The following ATP2B2 variants were observed in gnomAD, a reference collection of about 807,000 sequenced individuals.
The protein encoded by ATP2B2 is ATPase plasma membrane Ca2+ transporting 2, also known as plasma membrane calcium-transporting ATPase 2.
Under a neutral mutation model 120.0 loss-of-function variants are expected in ATP2B2, and 15 were observed. The observed-to-expected ratio is 0.12, with a 90% CI of 0.08 to 0.19. The LOEUF (loss-of-function observed/expected upper bound fraction) is 0.19, where lower values mean the gene tolerates loss of function less well. Among genes scored for constraint, ATP2B2 ranks in the 10% least tolerant of loss-of-function variants. ATP2B2 has a pLI of 1.00. For missense variants in ATP2B2, 1,045 were observed against 1,719.8 expected (o/e 0.61, Z 6.94); for synonymous variants, 694 against 700.3 (o/e 0.99, Z 0.14).
At chr3:10,695,251 G>GGAGGGGGGGAGA (rs60247955) in intron 1 of ATP2B2, among the ~76,000 whole-genome samples, 9 of 126,968 alleles carry the variant, frequency 7.1e-5, no homozygotes, top group East Asian at 2.4e-4. Context: ...AGGGAGGGAG[G>GGAGGGGGGGAGA]GAGAGAGAGA....
chr3:10,528,603 C>T (rs1195273987), intron 3 of ATP2B2, among the ~76,000 whole-genome samples: 6 of 152,190 alleles, frequency 3.9e-5, no homozygotes, highest in Non-Finnish European at 8.8e-5. Flanking sequence ...CTTCCTCCTT[C>T]GTGTGCCAAC....
intron 2 of ATP2B2, among the ~76,000 whole-genome samples, chr3:10,571,532 G>T (rs1371060014): frequency 6.6e-6 from 1 of 152,242 alleles, no homozygotes; most frequent in Non-Finnish European, 1.5e-5. Context: ...GCATGGACAT[G>T]GGCATGGGAC....
At chr3:10,390,898 A>T (rs1454234756) in intron 5 of ATP2B2, among the ~76,000 whole-genome samples, 1 of 152,144 alleles carries the variant, frequency 6.6e-6, no homozygotes, top group African/African-American at 2.4e-5. Flanking sequence ...GGCCAGTAAC[A>T]GGGCCTTGTT....
At chr3:10,504,802 G>A (rs922536637) in intron 1 of ATP2B2, among the ~76,000 whole-genome samples, 3 of 152,082 alleles carry the variant, frequency 2.0e-5, no homozygotes, top group South Asian at 2.1e-4. Flanking sequence ...AGAGGGTGCC[G>A]ACTCCACCAC....
intron 1 of ATP2B2, among the ~76,000 whole-genome samples, chr3:10,668,499 G>A (rs761825545): frequency 6.6e-5 from 10 of 152,162 alleles, no homozygotes; most frequent in Non-Finnish European, 1.3e-4. Flanking sequence ...ACTGACTCTT[G>A]CCCCCAGGCG....
At chr3:10,594,886 G>A (rs773460589) in intron 2 of ATP2B2, among the ~76,000 whole-genome samples, 24 of 152,168 alleles carry the variant, frequency 1.6e-4, no homozygotes, top group Admixed American at 5.2e-4. Flanking sequence ...GGAGGCGTAA[G>A]CGGTTAAGGT....
chr3:10,678,518 C>A (rs1015057898), intron 1 of ATP2B2, among the ~76,000 whole-genome samples: 1 of 152,116 alleles, frequency 6.6e-6, no homozygotes, highest in African/African-American at 2.4e-5. Context: ...TCTGGGGGCC[C>A]AGGTCTAACC....
At position 10,343,053 on chromosome 3, in the gene ATP2B2, C is replaced by A; in HGVS notation, c.2704-88G>T. ...GGGCTCATGGTGTAGTGTCCGCAGG[C>A]TCCTGCTGGAGGCTGGAGTCCGACC... is the stretch of plus-strand genomic sequence containing the variant. On this transcript the variant is annotated intron_variant, in intron 18 of 22. Coordinates refer to ENST00000360273, the MANE Select transcript of ATP2B2 (RefSeq NM_001001331.4). The surrounding 1 kb of genome is among the most constrained non-coding windows in gnomAD (Gnocchi z 4.2). 7.0e-7 allele frequency: 1 copy of A among 1,423,122 alleles called. No homozygotes were observed. The highest frequency in any genetic ancestry group is 9.8e-7 in the Non-Finnish European group (1 of 1,021,068). The allele number at this position is 1,423,122 out of a possible 1,614,324, so 88.2% of individuals were successfully genotyped here. A position where few individuals can be genotyped will look rare whatever the true frequency, so the allele number is the denominator to read the frequency against.
chr3:10,696,917 A>C (rs560598822), intron 1 of ATP2B2, among the ~76,000 whole-genome samples: 5 of 152,338 alleles, frequency 3.3e-5, no homozygotes, highest in Admixed American at 6.5e-5. Flanking sequence ...ACCAATAACA[A>C]CACTATTGAT....
At chr3:10,379,435 G>A (rs1167807299) in intron 8 of ATP2B2, 151 bp from the exon 9 acceptor site, 6 of 917,470 alleles carry the variant, frequency 6.5e-6, no homozygotes, top group Admixed American at 2.0e-5. Context: ...GGGTTGGGGA[G>A]GGCCCTGAAG....
chr3:10,548,143 G>C (rs556261116), intron 2 of ATP2B2, among the ~76,000 whole-genome samples: 1 of 152,342 alleles, frequency 6.6e-6, no homozygotes, highest in South Asian at 2.1e-4. Context: ...GAGCCCAAAG[G>C]CATCTGTTTG....
Position 10,635,445 on chromosome 3 carries a change from T to A in ATP2B2, c.-459-15484A>T, listed in dbSNP as rs1439088033. ...CTGAGGACACCAGGCAACATGACTT[T>A]CCAGCTCTTAGGTGCCTACAGCGGT... On this transcript the variant is annotated intron_variant, in intron 1 of 21. Transcript: ENST00000646379. The surrounding 1 kb of genome is among the most constrained non-coding windows in gnomAD (Gnocchi z 4.3). Among the ~76,000 whole-genome samples, 1 of 152,262 alleles carries A rather than the reference T, an allele frequency of 6.6e-6. No homozygotes were observed. The highest frequency in any genetic ancestry group is 2.4e-5 in the African/African-American group (1 of 41,546).
At chr3:10,532,755 G>A (rs2067236366) in intron 3 of ATP2B2, among the ~76,000 whole-genome samples, 1 of 152,238 alleles carries the variant, frequency 6.6e-6, no homozygotes, top group South Asian at 2.1e-4. Context: ...GGTGTCTGAA[G>A]GCTGAACAGG....
intron 12 of ATP2B2, among the ~76,000 whole-genome samples, chr3:10,370,768 C>A (rs1331069838): frequency 6.6e-6 from 1 of 152,146 alleles, no homozygotes; most frequent in Non-Finnish European, 1.5e-5. Context: ...GGGCTCAGCA[C>A]ATTGGGAGGG....
chr3:10,691,614 A>C (rs1245216836), intron 1 of ATP2B2, among the ~76,000 whole-genome samples: 2 of 152,196 alleles, frequency 1.3e-5, no homozygotes, highest in African/African-American at 2.4e-5. Flanking sequence ...CAAAGCCAGA[A>C]ACCAGGAGGA....
intron 2 of ATP2B2, among the ~76,000 whole-genome samples, chr3:10,540,881 C>A (rs1199164710): frequency 1.3e-5 from 2 of 150,616 alleles, no homozygotes; most frequent in Non-Finnish European, 3.0e-5. Flanking sequence ...AAAAAAAAAA[C>A]TACCTGGTCC....
chr3:10,337,222 G>C (rs1304381320), intron 22 of ATP2B2, among the ~76,000 whole-genome samples: 1 of 152,226 alleles, frequency 6.6e-6, no homozygotes, highest in Non-Finnish European at 1.5e-5. Context: ...AGGGTACAGA[G>C]GGGTGGGAGG....
chr3:10,489,888 C>A (rs1181843134), intron 1 of ATP2B2, among the ~76,000 whole-genome samples: 5 of 152,264 alleles, frequency 3.3e-5, no homozygotes, highest in Non-Finnish European at 5.9e-5. Context: ...TAGCCTGCAG[C>A]CCTGGGCTTA....
intron 1 of ATP2B2, among the ~76,000 whole-genome samples, chr3:10,654,726 C>T (rs917591815): frequency 6.6e-6 from 1 of 150,958 alleles, no homozygotes; most frequent in Non-Finnish European, 1.5e-5. Flanking sequence ...TTTTGGGAGG[C>T]TGTCTCCATA....
Sources: allele counts gnomAD v4.1 joint callset (sites outside exome capture counted in the v4.1 genomes callset), GRCh38; gene constraint gnomAD v4.1.1; non-coding constraint Gnocchi (gnomAD v3.1); transcripts MANE v1.5; gene names NCBI Gene and HGNC (gene_info 2026-07-23, HGNC 2026-07-21).